CLDN10: variants seen among roughly 807,000 people sequenced by gnomAD.
CLDN10 encodes the protein claudin-10.
A neutral mutation model predicts 22.9 loss-of-function variants in CLDN10; 15 were observed. The observed-to-expected ratio is 0.65, with a 90% confidence interval of 0.44 to 1.01. CLDN10 has a LOEUF of 1.01. Among genes scored for constraint, CLDN10 ranks in the 50% least tolerant of loss-of-function variants. The probability of loss-of-function intolerance (pLI) is 0.00; values close to 1 mark genes in which losing one functional copy is unlikely to be tolerated. For synonymous variants in CLDN10, 114 were observed against 111.4 expected (o/e 1.02, Z -0.15); for missense variants, 247 against 287.8 (o/e 0.86, Z 1.03).
At chr13:95,487,880 G>A (rs1468582057) in intron 1 of CLDN10, among the ~76,000 whole-genome samples, 1 of 151,886 alleles carries the variant, frequency 6.6e-6, no homozygotes, top group Non-Finnish European at 1.5e-5. Context: ...GTCTCACAGT[G>A]TTGCTCAAGC....
At chr13:95,563,067 G>T (rs539407953) in intron 3 of CLDN10, among the ~76,000 whole-genome samples, 9 of 141,782 alleles carry the variant, frequency 6.3e-5, no homozygotes, top group Admixed American at 1.4e-4. Context: ...TAGCTTCTTG[G>T]AATTTCTCTT....
At chr13:95,488,950 C>CTTTTTTTTTTTTTTTTTT (rs58919737) in intron 1 of CLDN10, among the ~76,000 whole-genome samples, 1 of 110,750 alleles carries the variant, frequency 9.0e-6, no homozygotes, top group Non-Finnish European at 1.7e-5. Flanking sequence ...ACTTTTTGTT[C>CTTTTTTTTTTTTTTTTTT]TTTTTTTTTT....
At chr13:95,492,331 G>T (rs1040688279) in intron 1 of CLDN10, among the ~76,000 whole-genome samples, 1 of 151,428 alleles carries the variant, frequency 6.6e-6, no homozygotes. Context: ...CCTTGGGCAG[G>T]TCTTGCTTCA....
intron 1 of CLDN10, among the ~76,000 whole-genome samples, chr13:95,503,462 C>T (rs1437361004): frequency 6.6e-6 from 1 of 152,072 alleles, no homozygotes; most frequent in African/African-American, 2.4e-5. Context: ...ATAAAACTAC[C>T]GTATGATCTA....
At chr13:95,552,342 G>A (rs546205936), upstream of CLDN10, among the ~76,000 whole-genome samples, 10 of 141,266 alleles carry the variant, frequency 7.1e-5, no homozygotes, top group African/African-American at 2.5e-4. Flanking sequence ...AGGTAGTCAG[G>A]AAGCCAAGCT....
At chr13:95,570,624 G>A (rs896702591) in intron 3 of CLDN10, among the ~76,000 whole-genome samples, 8 of 151,788 alleles carry the variant, frequency 5.3e-5, no homozygotes, top group Non-Finnish European at 8.8e-5. Context: ...ATCCTGGCCC[G>A]GGCCAGAGTC....
At chr13:95,558,779 G>T (rs116532027) in intron 1 of CLDN10, among the ~76,000 whole-genome samples, 1,565 of 152,206 alleles carry the variant, frequency 0.01, 30 homozygotes, top group African/African-American at 0.036. Flanking sequence ...TTAAAAATTA[G>T]CCATAGGTGG....
chr13:95,483,225 G>A (rs1361301611), intron 1 of CLDN10, among the ~76,000 whole-genome samples: 1 of 152,268 alleles, frequency 6.6e-6, no homozygotes, highest in African/African-American at 2.4e-5. Flanking sequence ...TCATTGAACA[G>A]CTTTCTCCTC....
intron 3 of CLDN10, among the ~76,000 whole-genome samples, chr13:95,569,031 T>C (rs1261007846): frequency 6.6e-6 from 1 of 152,238 alleles, no homozygotes; most frequent in East Asian, 1.9e-4. Context: ...GTTGTCAGGA[T>C]TAAATGAGAT....
At chr13:95,509,915 G>T (rs1213593171) in intron 1 of CLDN10, among the ~76,000 whole-genome samples, 4 of 152,202 alleles carry the variant, frequency 2.6e-5, no homozygotes, top group Middle Eastern at 3.2e-3. Context: ...TTCCAGGTGT[G>T]CTGGTAAACA....
chr13:95,446,927 C>T (rs1594524213), intron 1 of CLDN10, among the ~76,000 whole-genome samples: 1 of 152,146 alleles, frequency 6.6e-6, no homozygotes, highest in Non-Finnish European at 1.5e-5. Context: ...CTAAGAAGCC[C>T]ACAGTGTATG....
chr13:95,487,726 G>A (rs932609691), intron 1 of CLDN10, among the ~76,000 whole-genome samples: 2 of 152,162 alleles, frequency 1.3e-5, no homozygotes, highest in African/African-American at 4.8e-5. Context: ...CCAGGGTGGA[G>A]TGCAGTGGCG....
At chr13:95,454,880 G>A (rs2042467160) in intron 1 of CLDN10, among the ~76,000 whole-genome samples, 2 of 152,158 alleles carry the variant, frequency 1.3e-5, no homozygotes, top group African/African-American at 4.8e-5. Context: ...TCACAAGCCT[G>A]CAAGTCCAGT....
At chr13:95,459,332 C>T (rs576466712) in intron 1 of CLDN10, among the ~76,000 whole-genome samples, 1 of 152,204 alleles carries the variant, frequency 6.6e-6, no homozygotes, top group South Asian at 2.1e-4. Context: ...GGGGCTCTGA[C>T]CCCACCTTTC....
chr13:95,518,978 T>C (rs1198028240), intron 1 of CLDN10, among the ~76,000 whole-genome samples: 4 of 152,126 alleles, frequency 2.6e-5, no homozygotes, highest in Non-Finnish European at 5.9e-5. Context: ...GAATCAATTG[T>C]TGAGGCCTCC....
chr13:95,548,399 C>T (rs1161237846), upstream of CLDN10, among the ~76,000 whole-genome samples: 3 of 151,940 alleles, frequency 2.0e-5, no homozygotes, highest in Non-Finnish European at 4.4e-5. Flanking sequence ...TGTAATAGGC[C>T]CATAGAAATA....
chr13:95,455,105 G>C (rs1240295809), intron 1 of CLDN10, among the ~76,000 whole-genome samples: 1 of 151,962 alleles, frequency 6.6e-6, no homozygotes, highest in Non-Finnish European at 1.5e-5. Context: ...TAAGCCCAGG[G>C]GTTAGAGGCT....
intron 1 of CLDN10, among the ~76,000 whole-genome samples, chr13:95,537,683 A>G (rs2043414840): frequency 6.6e-6 from 1 of 152,176 alleles, no homozygotes; most frequent in Non-Finnish European, 1.5e-5. Context: ...GGCATTTCCA[A>G]ATTTGAAGTC....
At chr13:95,483,086 G>A (rs1004283561) in intron 1 of CLDN10, among the ~76,000 whole-genome samples, 6 of 152,248 alleles carry the variant, frequency 3.9e-5, no homozygotes, top group Non-Finnish European at 8.8e-5. Context: ...GGGAGAAAGT[G>A]ACGCTGCCCG....
Sources: gnomAD v4.1 joint callset for allele counts (sites outside exome capture counted in the v4.1 genomes callset) on GRCh38, gnomAD v4.1.1 for gene constraint, MANE v1.5 for transcripts, NCBI Gene and HGNC (gene_info 2026-07-23, HGNC 2026-07-21) for gene names.